Variants in ENTHD1 observed in about 807,000 individuals in gnomAD.
ENTHD1 encodes ENTH domain-containing protein 1.
In ENTHD1, 23 loss-of-function variants were observed where a neutral mutation model predicts 39.1. That is an observed-to-expected ratio of 0.59 (90% CI 0.42 to 0.83). The LOEUF is 0.83. Ranked by LOEUF, ENTHD1 falls within the 40% of genes least tolerant of loss-of-function variation. The pLI, the probability that ENTHD1 is intolerant of heterozygous loss-of-function variation, is 0.00. For synonymous variants in ENTHD1, 230 were observed against 258.2 expected, an observed-to-expected ratio of 0.89 and a Z score of 1.05; for missense variants, 624 against 705.4, an observed-to-expected ratio of 0.88 and a Z score of 1.31.
intron 3 of ENTHD1, among the ~76,000 whole-genome samples, chr22:39,856,852 C>CAAAAAAA (rs34627331): frequency 1.4e-5 from 1 of 70,368 alleles, no homozygotes; most frequent in Non-Finnish European, 2.8e-5. Flanking sequence ...GACCCTGTCT[C>CAAAAAAA]AAAAAAAAAA....
Position 39,818,827 on chromosome 22 carries a change from T to C in ENTHD1, c.832+2166A>G, listed in dbSNP as rs558486286. Among the ~76,000 whole-genome samples the C allele has an allele frequency of 4.6e-5, 7 of 152,280 alleles. No homozygotes were observed. The South Asian group carries it at 1.0e-3, about 23-fold the overall frequency. On this transcript the variant is annotated intron_variant, in intron 5 of 6. Coordinates refer to ENST00000325157, the MANE Select transcript of ENTHD1 (RefSeq NM_152512.4). ...GCTACATTTTTTACTTTTTTCCTCC[T>C]TAGGATTGCTTCTTATGCTCATTTA...
chr22:39,825,707 G>GT (rs34494014), intron 4 of ENTHD1, among the ~76,000 whole-genome samples: 1,581 of 142,330 alleles, frequency 0.011, 23 homozygotes, highest in East Asian at 0.083. Flanking sequence ...AGTTTTTGTG[G>GT]TTTTTTTTTT....
chr22:39,825,581 A>G (rs1601621238), intron 4 of ENTHD1, among the ~76,000 whole-genome samples: 1 of 152,070 alleles, frequency 6.6e-6, no homozygotes, highest in African/African-American at 2.4e-5. Flanking sequence ...CCCAGGCTGG[A>G]GTACAGTGGT....
At chr22:39,815,411 C>T (rs1308125913) in intron 5 of ENTHD1, among the ~76,000 whole-genome samples, 1 of 151,622 alleles carries the variant, frequency 6.6e-6, no homozygotes, top group Non-Finnish European at 1.5e-5. Flanking sequence ...CCATTGGACT[C>T]CAGCCTGGGC....
chr22:39,760,404 T>C (rs2065223305), intron 6 of ENTHD1, among the ~76,000 whole-genome samples: 1 of 152,020 alleles, frequency 6.6e-6, no homozygotes, highest in African/African-American at 2.4e-5. Flanking sequence ...TAATAATCCT[T>C]GTCTTGAAGT....
intron 5 of ENTHD1, among the ~76,000 whole-genome samples, chr22:39,784,483 TATAG>T (rs2065437622): frequency 6.6e-6 from 1 of 151,692 alleles, no homozygotes; most frequent in African/African-American, 2.4e-5. Context: ...ACAGCCAACA[TATAG>T]AATCAACCTA....
At chr22:39,774,202 G>C (rs2065349887) in intron 5 of ENTHD1, among the ~76,000 whole-genome samples, 2 of 152,108 alleles carry the variant, frequency 1.3e-5, no homozygotes, top group South Asian at 2.1e-4. Flanking sequence ...CCTCCTATCT[G>C]TCTAGGCAAT....
At chr22:39,888,828 T>C (rs559663102) in intron 1 of ENTHD1, among the ~76,000 whole-genome samples, 27 of 152,338 alleles carry the variant, frequency 1.8e-4, no homozygotes, top group African/African-American at 6.0e-4. Flanking sequence ...ACTTCAGCCT[T>C]CTGAAGTGCT....
rs200008989 is a variant in ENTHD1 at position 39,744,298 on chromosome 22, T to C, written c.1220-15A>G. On this transcript the variant is annotated splice_polypyrimidine_tract_variant and intron_variant, in intron 6 of 6. Coordinates refer to ENST00000325157, the MANE Select transcript of ENTHD1 (RefSeq NM_152512.4). Reference sequence around the variant, plus strand: ...AGCAGTTGAAACTAAAATGTGTAAATGAGAGAAAAAAGATTTATGCAACAT... The same window carrying C: ...AGCAGTTGAAACTAAAATGTGTAAACGAGAGAAAAAAGATTTATGCAACAT... 22 of 1,560,816 alleles carry C rather than the reference T, an allele frequency of 1.4e-5. No individual in the cohort carries two copies. In the Admixed American group the frequency reaches 4.6e-4, roughly 33 times the overall value.
In ENTHD1 at chr22:39,748,079, T is replaced by G. The variant is rs1471073669; in HGVS notation, c.1220-3796A>C. 1.3e-5 allele frequency among the ~76,000 whole-genome samples: 2 copies of G among 151,980 alleles called. 1 individual carries two copies. Among genetic ancestry groups the G allele is most frequent in the East Asian group, 3.9e-4 (2 of 5,180 alleles). On this transcript the variant is annotated intron_variant, in intron 6 of 6. Coordinates refer to ENST00000325157, the MANE Select transcript of ENTHD1 (RefSeq NM_152512.4). ...GCCTGAGCAACATGGCGAAACCCCT[T>G]CTCTACAAGAAGTACAAAAATTAGT...
chr22:39,799,453 G>A (rs2065580486), intron 5 of ENTHD1, among the ~76,000 whole-genome samples: 1 of 152,068 alleles, frequency 6.6e-6, no homozygotes, highest in South Asian at 2.1e-4. Flanking sequence ...CTCATGACCA[G>A]GAAAAAGTAG....
At position 39,798,752 on chromosome 22, in the gene ENTHD1, C is replaced by A. The variant is rs560014747; in HGVS notation, c.832+22241G>T. The stretch of plus-strand genomic sequence containing the variant: ...TGGCTTGTTCTGGAGCCAGCAGTGG[C>A]AGTGGTGAGCTGGATGGGTGGGCAA... On this transcript the variant is annotated intron_variant, in intron 5 of 6. Coordinates refer to ENST00000325157, the MANE Select transcript of ENTHD1 (RefSeq NM_152512.4). 3.6e-3 allele frequency among the ~76,000 whole-genome samples: 546 copies of A among 152,196 alleles called. 5 individuals carry two copies. The highest frequency in any genetic ancestry group is 0.012 in the African/African-American group (480 of 41,532).
rs1569119985 is a variant in ENTHD1, at chr22:39,743,821, C to CTAGATT, written c.1681_1682insAATCTA (p.Ala560_Arg561insLysSer). 1.2e-6 allele frequency: 2 copies of CTAGATT among 1,614,120 alleles called. No individual in the cohort carries two copies. Among genetic ancestry groups the CTAGATT allele is most frequent in the Non-Finnish European group, 1.7e-6 (2 of 1,180,004 alleles). On this transcript the variant is annotated inframe_insertion, in exon 7 of 7. Coordinates refer to ENST00000325157, the MANE Select transcript of ENTHD1 (RefSeq NM_152512.4). ...CACTGTGCTCAGATCTTCATGTAAT[C>CTAGATT]TAGCGATCGCACGTTTTACCTCCCT...
chr22:39,875,205 A>C, intron 2 of ENTHD1: 1 of 819,444 alleles, frequency 1.2e-6, no homozygotes, highest in Non-Finnish European at 1.6e-6. Flanking sequence ...ATGTTGAGAG[A>C]AGCCAGAAAC....
intron 5 of ENTHD1, among the ~76,000 whole-genome samples, chr22:39,816,350 AT>A (rs1460639682): frequency 6.6e-6 from 1 of 152,246 alleles, no homozygotes; most frequent in Non-Finnish European, 1.5e-5. Context: ...GGAGGGGAAA[AT>A]AACGCCATTT....
At chr22:39,756,281 G>GTCTC (rs1377103885) in intron 6 of ENTHD1, among the ~76,000 whole-genome samples, 1 of 142,032 alleles carries the variant, frequency 7.0e-6, no homozygotes, top group African/African-American at 2.7e-5. Context: ...ACCTATCAAT[G>GTCTC]TCTCTGTCTC....
In ENTHD1 at chr22:39,875,601, G is replaced by A. The variant is rs1460044550; in HGVS notation, c.349+11799C>T. Reference sequence around the variant, plus strand: ...GTTTTAGATAGTACGAAGTCTTCAAGAGAAAGCACCGAGGCTAGGAAAGGT... The same window carrying A: ...GTTTTAGATAGTACGAAGTCTTCAAAAGAAAGCACCGAGGCTAGGAAAGGT... On this transcript the variant is annotated intron_variant, in intron 2 of 6. Coordinates refer to ENST00000325157, the MANE Select transcript of ENTHD1 (RefSeq NM_152512.4). The A allele has an allele frequency of 2.2e-5, 36 of 1,611,548 alleles. 1 individual carries two copies. The Admixed American group carries it at 6.0e-4, about 27-fold the overall frequency.
At chr22:39,769,790 T>C (rs942266743) in intron 5 of ENTHD1, among the ~76,000 whole-genome samples, 2 of 151,910 alleles carry the variant, frequency 1.3e-5, no homozygotes, top group African/African-American at 4.8e-5. Context: ...AGAGGGGAAA[T>C]AGAACAGAAG....
chr22:39,831,753 G>C (rs1297573700), intron 4 of ENTHD1, among the ~76,000 whole-genome samples: 2 of 151,996 alleles, frequency 1.3e-5, no homozygotes, highest in Admixed American at 6.6e-5. Context: ...TTGAACCCCA[G>C]AGGCGGAGGT....
Sources: gnomAD v4.1 joint callset for allele counts (sites outside exome capture counted in the v4.1 genomes callset) on GRCh38, gnomAD v4.1.1 for gene constraint, MANE v1.5 for transcripts, NCBI Gene and HGNC (gene_info 2026-07-23, HGNC 2026-07-21) for gene names.